The following SMTN variants were observed in gnomAD, a reference collection of about 807,000 sequenced individuals.
The protein encoded by SMTN is smoothelin.
In SMTN, 58 loss-of-function variants were observed where a neutral mutation model predicts 102.0. The ratio of observed to expected loss-of-function variants is 0.57; its 90% CI spans 0.46 to 0.71. The LOEUF is 0.71. Among genes scored for constraint, SMTN ranks in the 30% least tolerant of loss-of-function variants. The pLI, the probability that SMTN is intolerant of heterozygous loss-of-function variation, is 0.00. For missense variants in SMTN, 1,185 were observed against 1,241.7 expected, an observed-to-expected ratio of 0.95 and a Z score of 0.69; for synonymous variants, 478 against 497.9, an observed-to-expected ratio of 0.96 and a Z score of 0.53.
chr22:31,097,127 A>G (rs2043657456), intron 15 of SMTN, 67 bp downstream of exon 15: 1 of 1,543,064 alleles, frequency 6.5e-7, no homozygotes. Context: ...CTCTTCCTTG[A>G]GCTCTCTCTC....
In SMTN at chr22:31,081,332, A is replaced by C. The variant is rs1364690277; in HGVS notation, c.-205A>C. Reference sequence around the variant, plus strand: ...GGCAGCTCTCCGCAGAATCCAGGGGACGGTTGCTGAGCGGGCCTGGGACAG... The same window carrying C: ...GGCAGCTCTCCGCAGAATCCAGGGGCCGGTTGCTGAGCGGGCCTGGGACAG... On this transcript the variant is annotated 5_prime_UTR_variant, in exon 1 of 21. Coordinates refer to ENST00000333137, the MANE Select transcript of SMTN (RefSeq NM_134269.3). 1 of 152,002 alleles carries C rather than the reference A, an allele frequency of 6.6e-6. No individual in the cohort carries two copies. Among genetic ancestry groups the C allele is most frequent in the Non-Finnish European group, 1.5e-5 (1 of 68,018 alleles). 9.4% of individuals were successfully genotyped at this position (152,002 alleles called of 1,614,324 possible).
At chr22:31,073,026 T>TTCC (rs1281151210) in intron 1 of SMTN, among the ~76,000 whole-genome samples, 2 of 147,716 alleles carry the variant, frequency 1.4e-5, no homozygotes, top group Non-Finnish European at 3.0e-5. Flanking sequence ...TTTTTTTTTT[T>TTCC]TTTTTTGAGA....
At position 31,093,839 on chromosome 22, in the gene SMTN, G is replaced by T. The variant is rs556303472; in HGVS notation, c.1633-1464G>T. The stretch of plus-strand genomic sequence containing the variant: ...CACCCACCTGCCTTCAGCACCCGCC[G>T]CCGCTCCTCCACCGGCACCACCCGC... On this transcript the variant is annotated intron_variant, in intron 11 of 20. Transcript: ENST00000333137. 1.3e-6 allele frequency: 2 copies of T among 1,587,970 alleles called. No individual in the cohort carries two copies.
Position 31,100,978 on chromosome 22 carries a change from A to G in SMTN, c.2697A>G (p.Glu899=), listed in dbSNP as rs2147815486. 1 of 1,613,516 alleles carries G rather than the reference A, an allele frequency of 6.2e-7. No homozygotes were observed. Among genetic ancestry groups the G allele is most frequent in the South Asian group, 1.1e-5 (1 of 90,984 alleles). The change falls in exon 20 of 21, where the codon GAA becomes GAG. Residue 899 remains glutamate (E), a synonymous_variant. Coordinates refer to ENST00000333137, the MANE Select transcript of SMTN (RefSeq NM_134269.3). The part of the protein sequence containing the change: ...DWKCVYTYIQ[E]FYRCLVQKGL... ...AGTGCGTGTACACGTACATCCAGGA[A>G]TTCTACCGCTGTCTGGTCCAGAAGG...
In SMTN at chr22:31,091,791, C is replaced by T. The variant is rs979159388; in HGVS notation, c.1576C>T (p.His526Tyr). The change falls in exon 11 of 21, where the codon CAT becomes TAT. Residue 526 changes from histidine to tyrosine, a missense_variant. By Grantham distance (83) the His-to-Tyr change is moderately conservative. This residue lies in a region of SMTN where 1,096 missense variants were observed against 1,112.7 expected (regional missense o/e 0.98). Coordinates refer to ENST00000333137, the MANE Select transcript of SMTN (RefSeq NM_134269.3). ...GTLARLGSVT[H>Y]VTSFSHAPPS... is the part of the protein sequence containing the mutation. ...CCTGGCTCGGCTGGGCAGTGTCACT[C>T]ATGTCACCAGCTTCAGCCATGCCCC... 12 of 1,608,704 alleles carry T rather than the reference C, an allele frequency of 7.5e-6. No individual in the cohort carries two copies. The highest frequency in any genetic ancestry group is 1.7e-5 in the Admixed American group (1 of 59,652).
intron 2 of SMTN, chr22:31,085,032 C>T (rs1204756560): frequency 1.3e-6 from 2 of 1,509,588 alleles, no homozygotes; most frequent in East Asian, 2.5e-5. Context: ...GCAGTCGCTT[C>T]CGGCCCCGGC....
At chr22:31,086,795 C>G (rs1244727409) in intron 2 of SMTN, among the ~76,000 whole-genome samples, 2 of 152,222 alleles carry the variant, frequency 1.3e-5, no homozygotes, top group African/African-American at 4.8e-5. Context: ...CCCCAAGACT[C>G]TCCCTGCTCT....
chr22:31,089,936 C>T lies in SMTN; in HGVS notation c.709C>T (p.Pro237Ser), dbSNP rs770444400. 2 of 1,601,296 alleles carry T rather than the reference C, an allele frequency of 1.2e-6. No homozygotes were observed. The highest frequency in any genetic ancestry group is 1.1e-5 in the South Asian group (1 of 89,584). ...TAEVPGSPEP[P>S]PSPPKTTSPE... is the part of the protein sequence containing the mutation. ...TGAGGTTCCAGGCAGCCCAGAGCCA[C>T]CCCCCAGCCCACCCAAGACCACCAG... Residue 237 changes from proline to serine, a missense_variant, in exon 7 of 21, where the codon CCC becomes TCC. Transcript: ENST00000333137.
chr22:31,073,966 C>G (rs1195301299), intron 1 of SMTN, among the ~76,000 whole-genome samples: 6 of 152,172 alleles, frequency 3.9e-5, no homozygotes, highest in Non-Finnish European at 8.8e-5. Context: ...CAGGATAGCC[C>G]AGGCTTGTTC....
At chr22:31,089,602 A>G (rs1199810230) in intron 6 of SMTN, 97 bp from the exon 7 acceptor site, 1 of 1,170,988 alleles carries the variant, frequency 8.5e-7, no homozygotes, top group Admixed American at 1.9e-5. Context: ...TCTGCTTTGC[A>G]TGCCCTGCCC....
At chr22:31,070,001 C>A (rs1479406313) in intron 1 of SMTN, among the ~76,000 whole-genome samples, 1 of 152,106 alleles carries the variant, frequency 6.6e-6, no homozygotes, top group Non-Finnish European at 1.5e-5. Context: ...AGGAACCACC[C>A]CAGGTTCTTG....
intron 1 of SMTN, among the ~76,000 whole-genome samples, chr22:31,075,637 C>T (rs564042906): frequency 1.3e-5 from 2 of 149,936 alleles, no homozygotes; most frequent in Admixed American, 6.7e-5. Context: ...GCCAAGATTG[C>T]GCCACTGCAC....
chr22:31,065,048 A>G (rs1285950288), intron 1 of SMTN: 1 of 152,058 alleles, frequency 6.6e-6, no homozygotes, highest in East Asian at 1.9e-4. Flanking sequence ...CAGTCATTTT[A>G]TAGAATATCC....
intron 11 of SMTN, chr22:31,093,685 A>G (rs2147732410): frequency 3.4e-6 from 3 of 895,118 alleles, no homozygotes; most frequent in Non-Finnish European, 5.7e-6. Flanking sequence ...GGAGGTGCTG[A>G]GCCTACGGCT....
intron 6 of SMTN, 96 bp from the exon 7 acceptor site, chr22:31,089,603 T>C (rs1052557249): frequency 1.7e-6 from 2 of 1,178,032 alleles, no homozygotes; most frequent in Admixed American, 1.9e-5. Flanking sequence ...CTGCTTTGCA[T>C]GCCCTGCCCT....
chr22:31,076,269 C>T (rs9619166), intron 1 of SMTN, among the ~76,000 whole-genome samples: 22,572 of 152,198 alleles, frequency 0.15, 1,770 homozygotes, highest in Middle Eastern at 0.18. Flanking sequence ...CTCCCTGCCC[C>T]AGAGAGGCCA....
intron 20 of SMTN, chr22:31,102,570 T>C (rs2044177756): frequency 6.6e-6 from 1 of 152,332 alleles, no homozygotes; most frequent in South Asian, 2.1e-4. Context: ...AGATCATATA[T>C]GGACTTAGGA....
upstream of SMTN, among the ~76,000 whole-genome samples, chr22:31,079,321 G>A (rs5753454): frequency 0.21 from 31,936 of 152,238 alleles, 4,114 homozygotes; most frequent in East Asian, 0.44. Context: ...GGTGGACCCA[G>A]GCACTAAGGG....
intron 2 of SMTN, chr22:31,084,968 T>C (rs1208089308): frequency 2.2e-5 from 32 of 1,448,518 alleles, no homozygotes; most frequent in Non-Finnish European, 2.9e-5. Context: ...AAGGAAAAGC[T>C]AGGCCCGCTC....
Sources: gnomAD v4.1 joint callset for allele counts (sites outside exome capture counted in the v4.1 genomes callset) on GRCh38, gnomAD v4.1.1 for gene constraint, gnomAD v4.1.1 regional missense constraint, MANE v1.5 for transcripts, NCBI Gene and HGNC (gene_info 2026-07-23, HGNC 2026-07-21) for gene names.